The following DPYD variants were observed in gnomAD, a reference collection of about 807,000 sequenced individuals.
DPYD encodes the protein dihydropyrimidine dehydrogenase [NADP(+)].
In DPYD, 109 loss-of-function variants were observed where a neutral mutation model predicts 116.2. The observed-to-expected ratio is 0.94, with a 90% CI of 0.80 to 1.10. DPYD has a LOEUF of 1.10. Ranked by LOEUF, DPYD falls within the 50% of genes least tolerant of loss-of-function variation. The pLI, the probability that DPYD is intolerant of heterozygous loss-of-function variation, is 0.00. For synonymous variants in DPYD, 440 were observed against 432.0 expected (o/e 1.02, Z -0.23); for missense variants, 1,302 against 1,254.5 (o/e 1.04, Z -0.57).
At chr1:97,350,330 C>T (rs1291011752) in intron 16 of DPYD, among the ~76,000 whole-genome samples, 4 of 152,112 alleles carry the variant, frequency 2.6e-5, no homozygotes, top group African/African-American at 9.7e-5. Flanking sequence ...TAGTACTAAT[C>T]TGAAGCTTAG....
chr1:97,304,695 A>G (rs1354904513), intron 18 of DPYD, among the ~76,000 whole-genome samples: 4 of 152,012 alleles, frequency 2.6e-5, no homozygotes, highest in Admixed American at 2.6e-4. Flanking sequence ...CAGGGTAAAG[A>G]TACTGAACAG....
chr1:97,398,560 C>A (rs1673152250), intron 14 of DPYD, among the ~76,000 whole-genome samples: 1 of 152,144 alleles, frequency 6.6e-6, no homozygotes, highest in African/African-American at 2.4e-5. Flanking sequence ...ACAGTCCCAC[C>A]AACAGTGTAA....
chr1:97,419,656 AT>A (rs1249476926), intron 14 of DPYD, among the ~76,000 whole-genome samples: 2 of 152,194 alleles, frequency 1.3e-5, no homozygotes, highest in African/African-American at 2.4e-5. Flanking sequence ...GTGTATCTTT[AT>A]AAAAATATAT....
intron 13 of DPYD, among the ~76,000 whole-genome samples, chr1:97,472,224 G>A (rs1486502975): frequency 6.6e-6 from 1 of 152,180 alleles, no homozygotes; most frequent in African/African-American, 2.4e-5. Context: ...AGAGGCAATT[G>A]CCAGTCTCTG....
chr1:97,495,098 T>G (rs1439187341), intron 13 of DPYD, among the ~76,000 whole-genome samples: 3 of 152,156 alleles, frequency 2.0e-5, no homozygotes, highest in African/African-American at 7.2e-5. Flanking sequence ...AAGGGACAAA[T>G]ATTTTAAACA....
intron 3 of DPYD, among the ~76,000 whole-genome samples, chr1:97,801,127 T>C (rs937481000): frequency 6.6e-6 from 1 of 151,856 alleles, no homozygotes; most frequent in African/African-American, 2.4e-5. Context: ...AATGAGGTCA[T>C]GATGGTGGAG....
chr1:97,861,051 T>C (rs936713804), intron 2 of DPYD, among the ~76,000 whole-genome samples: 6 of 151,852 alleles, frequency 4.0e-5, no homozygotes, highest in East Asian at 1.9e-4. Flanking sequence ...CATTAGAAAA[T>C]AGAACTGACG....
At chr1:97,780,656 C>A (rs1360399351) in intron 3 of DPYD, among the ~76,000 whole-genome samples, 4 of 152,138 alleles carry the variant, frequency 2.6e-5, no homozygotes, top group Non-Finnish European at 5.9e-5. Flanking sequence ...ATTCTAAGTT[C>A]TACCAAGCAA....
intron 7 of DPYD, among the ~76,000 whole-genome samples, chr1:97,682,318 A>G (rs1660466044): frequency 6.6e-6 from 1 of 151,832 alleles, no homozygotes; most frequent in African/African-American, 2.4e-5. Context: ...CATTGTGGGA[A>G]AGATGGAGGA....
chr1:97,344,025 AATTAT>A (rs1669716686), intron 16 of DPYD, among the ~76,000 whole-genome samples: 2 of 151,956 alleles, frequency 1.3e-5, no homozygotes, highest in African/African-American at 4.8e-5. Flanking sequence ...TAATAATTGC[AATTAT>A]ATTAATACAT....
chr1:97,645,973 T>C (rs987608030), intron 8 of DPYD, among the ~76,000 whole-genome samples: 1 of 152,106 alleles, frequency 6.6e-6, no homozygotes, highest in Non-Finnish European at 1.5e-5. Flanking sequence ...TGTTACAGAA[T>C]GATGCTGTGA....
intron 16 of DPYD, among the ~76,000 whole-genome samples, chr1:97,322,162 C>T (rs904573697): frequency 2.1e-5 from 3 of 144,610 alleles, no homozygotes; most frequent in African/African-American, 7.7e-5. Context: ...TGCAGTGCAC[C>T]AGCATGGCAC....
intron 14 of DPYD, among the ~76,000 whole-genome samples, chr1:97,447,256 A>C (rs555306743): frequency 6.6e-6 from 1 of 152,370 alleles, no homozygotes; most frequent in East Asian, 1.9e-4. Flanking sequence ...CCTGTCATTA[A>C]AGGTGGCAGC....
chr1:97,084,972 G>A (rs947225307), intron 21 of DPYD, among the ~76,000 whole-genome samples: 3 of 152,048 alleles, frequency 2.0e-5, no homozygotes, highest in Non-Finnish European at 2.9e-5. Context: ...ATGGTAGTAG[G>A]CACATAGTGG....
chr1:97,787,645 G>GA (rs914739795), intron 3 of DPYD, among the ~76,000 whole-genome samples: 18 of 150,050 alleles, frequency 1.2e-4, no homozygotes, highest in East Asian at 3.9e-4. Flanking sequence ...TCATAAAAAA[G>GA]AAAAAAAAAG....
At chr1:97,158,526 C>G (rs1655662318) in intron 20 of DPYD, among the ~76,000 whole-genome samples, 1 of 148,682 alleles carries the variant, frequency 6.7e-6, no homozygotes, top group Admixed American at 6.8e-5. Context: ...CACACACACT[C>G]TATCCAAATG....
chr1:97,391,393 A>G (rs1672697113), intron 14 of DPYD, among the ~76,000 whole-genome samples: 1 of 152,030 alleles, frequency 6.6e-6, no homozygotes, highest in South Asian at 2.1e-4. Flanking sequence ...CCCAGATCAG[A>G]AAACTAGGAA....
chr1:97,125,234 G>A (rs1256393063), intron 20 of DPYD, among the ~76,000 whole-genome samples: 2 of 152,040 alleles, frequency 1.3e-5, no homozygotes, highest in Non-Finnish European at 2.9e-5. Flanking sequence ...CTGTTTGCTT[G>A]TGAATGGAGA....
At chr1:97,212,910 T>C (rs907497739) in intron 19 of DPYD, among the ~76,000 whole-genome samples, 4 of 152,178 alleles carry the variant, frequency 2.6e-5, no homozygotes, top group Non-Finnish European at 5.9e-5. Context: ...TTAGCCTGTT[T>C]GAACATGCTA....
Sources: gnomAD v4.1 joint callset for allele counts (sites outside exome capture counted in the v4.1 genomes callset) on GRCh38, gnomAD v4.1.1 for gene constraint, MANE v1.5 for transcripts, NCBI Gene and HGNC (gene_info 2026-07-23, HGNC 2026-07-21) for gene names.